Variants in FER1L6 observed in about 807,000 individuals in gnomAD.
FER1L6 encodes the protein fer-1-like protein 6.
A neutral mutation model predicts 219.2 loss-of-function variants in FER1L6; 177 were observed. That is an observed-to-expected ratio of 0.81 (90% CI 0.71 to 0.91). The LOEUF (loss-of-function observed/expected upper bound fraction) is 0.91. FER1L6 is among the 40% of genes least tolerant of loss of function. FER1L6 has a pLI of 0.00. For missense variants in FER1L6, 2,153 were observed against 2,259.9 expected (o/e 0.95, Z 0.96); for synonymous variants, 768 against 824.3 (o/e 0.93, Z 1.17).
chr8:124,081,998 C>A (rs1231129873), intron 32 of FER1L6, among the ~76,000 whole-genome samples: 2 of 152,166 alleles, frequency 1.3e-5, no homozygotes, highest in Non-Finnish European at 2.9e-5. Context: ...CTGTCTGAAA[C>A]CAAAATCCAA....
Position 123,975,214 on chromosome 8 carries a change from G to T in FER1L6, c.591G>T (p.Lys197Asn). The T allele has an allele frequency of 6.2e-7, 1 of 1,612,998 alleles. No homozygotes were observed. The highest frequency in any genetic ancestry group is 1.1e-5 in the South Asian group (1 of 90,958). ...TDPGDIRTGT[K>N]GYLKCDISVM... The stretch of plus-strand genomic sequence containing the variant: ...CTGGTGACATCAGGACTGGCACCAA[G>T]GGGTACCTGAAATGTGACATCAGTG... Residue 197 changes from lysine to asparagine, a missense_variant, in exon 8 of 41, where the codon AAG becomes AAT. Transcript: ENST00000522917.
chr8:123,977,396 T>A, intron 9 of FER1L6, 21 bp from the exon 10 acceptor site: 2 of 1,605,864 alleles, frequency 1.2e-6, no homozygotes, highest in East Asian at 2.2e-5. Flanking sequence ...ATGACTCATG[T>A]CCTCCTGGCT....
chr8:123,969,707 A>T (rs908650811), intron 5 of FER1L6, among the ~76,000 whole-genome samples: 43 of 150,226 alleles, frequency 2.9e-4, no homozygotes, highest in South Asian at 1.1e-3. Flanking sequence ...CAAAAAATTT[A>T]AAAAAAAAAT....
chr8:123,888,455 T>C (rs1362776912), intron 1 of FER1L6, among the ~76,000 whole-genome samples: 1 of 152,180 alleles, frequency 6.6e-6, no homozygotes, highest in Non-Finnish European at 1.5e-5. Context: ...CCAATATTCT[T>C]TGGAATCTGA....
intron 1 of FER1L6, among the ~76,000 whole-genome samples, chr8:123,888,463 T>C (rs559094426): frequency 6.6e-6 from 1 of 152,188 alleles, no homozygotes; most frequent in Non-Finnish European, 1.5e-5. Flanking sequence ...CTTTGGAATC[T>C]GAAGTTTGCT....
Position 124,088,036 on chromosome 8 carries a change from G to A in FER1L6, c.4392-3387G>A, listed in dbSNP as rs1424445879. Among the ~76,000 whole-genome samples, 4 of 152,206 alleles carry A rather than the reference G, an allele frequency of 2.6e-5. No individual in the cohort carries two copies. The East Asian group carries it at 7.7e-4, about 29-fold the overall frequency. ...CACTAGGTCTTGCCCAAGGCCTGCA[G>A]TGACCGCTGCCTGGCTACCACCTGT... is the stretch of plus-strand genomic sequence containing the variant. On this transcript the variant is annotated intron_variant, in intron 33 of 40. Coordinates refer to ENST00000522917, the MANE Select transcript of FER1L6 (RefSeq NM_001039112.2).
chr8:123,981,195 G>C (rs1360837421), intron 11 of FER1L6, among the ~76,000 whole-genome samples: 2 of 152,260 alleles, frequency 1.3e-5, no homozygotes, highest in Admixed American at 1.3e-4. Context: ...TTTTGGATGA[G>C]GAATGAAGAG....
chr8:124,095,527 T>G (rs540219660), intron 35 of FER1L6, among the ~76,000 whole-genome samples: 3 of 152,240 alleles, frequency 2.0e-5, no homozygotes, highest in African/African-American at 4.8e-5. Context: ...CTTAAAGAAC[T>G]GGCAAGAAGA....
intron 2 of FER1L6, 123 bp downstream of exon 2, chr8:123,956,197 G>A (rs1815011628): frequency 3.5e-6 from 3 of 869,454 alleles, no homozygotes; most frequent in Non-Finnish European, 5.5e-6. Flanking sequence ...TGCTGCCCCC[G>A]ACCCTTTAGG....
intron 13 of FER1L6, among the ~76,000 whole-genome samples, chr8:124,010,004 G>C (rs1281667487): frequency 6.6e-6 from 1 of 151,904 alleles, no homozygotes; most frequent in African/African-American, 2.4e-5. Context: ...TGGCGACCCG[G>C]GGAGGAGAGG....
Position 123,901,664 on chromosome 8 carries a change from G to A in FER1L6, c.-8+49479G>A, listed in dbSNP as rs534267730. ...GGCCATGAACTTTCCTCTTAGCACC[G>A]CCTTTGCCGTATCCCAGAGGTTTTG... is the stretch of plus-strand genomic sequence containing the variant. On this transcript the variant is annotated intron_variant, in intron 1 of 40. Coordinates refer to ENST00000522917, the MANE Select transcript of FER1L6 (RefSeq NM_001039112.2). Among the ~76,000 whole-genome samples the A allele has an allele frequency of 5.9e-5, 9 of 151,934 alleles. No homozygotes were observed. In the South Asian group the frequency reaches 6.2e-4, roughly 11 times the overall value.
intron 12 of FER1L6, among the ~76,000 whole-genome samples, chr8:123,992,910 T>C (rs909863730): frequency 6.6e-6 from 1 of 152,244 alleles, no homozygotes; most frequent in Non-Finnish European, 1.5e-5. Flanking sequence ...ACTATTATCA[T>C]TTATTTCAAA....
At position 124,119,699 on chromosome 8, in the gene FER1L6, C is replaced by T; in HGVS notation, c.5483C>T (p.Ala1828Val). 6.2e-7 allele frequency: 1 copy of T among 1,613,144 alleles called. No homozygotes were observed. Among genetic ancestry groups the T allele is most frequent in the Non-Finnish European group, 8.5e-7 (1 of 1,179,140 alleles). ...AATTACAAAAAGTACATCATCATTGCTTTCATTCTCATCATCCTCATCATC... is the reference window on the plus strand; with the variant it reads ...AATTACAAAAAGTACATCATCATTGTTTTCATTCTCATCATCCTCATCATC... ...WKNYKKYIII[A>V]FILIILIIFL... The change falls in exon 41 of 41, where the codon GCT becomes GTT. Residue 1828 changes from alanine (A) to valine (V), a missense_variant. Ala to Val is a moderately conservative substitution (Grantham distance 64). Transcript: ENST00000522917.
At chr8:123,984,184 A>T (rs747629236) in intron 11 of FER1L6, 3 of 152,186 alleles carry the variant, frequency 2.0e-5, no homozygotes, top group African/African-American at 7.2e-5. Flanking sequence ...CATGAATGAT[A>T]TCATTTCTGC....
intron 14 of FER1L6, among the ~76,000 whole-genome samples, chr8:124,012,441 C>T (rs180762796): frequency 2.0e-5 from 3 of 152,228 alleles, no homozygotes; most frequent in Non-Finnish European, 4.4e-5. Flanking sequence ...TAGTGACATT[C>T]ATTTCTAATT....
At chr8:124,002,442 A>T (rs183688278) in intron 12 of FER1L6, among the ~76,000 whole-genome samples, 2 of 152,304 alleles carry the variant, frequency 1.3e-5, no homozygotes, top group Admixed American at 1.3e-4. Flanking sequence ...ACCTTTCTTG[A>T]TTTGAACAGT....
chr8:124,015,607 A>ATATATATATGTATG lies in FER1L6; in HGVS notation c.1923-2012_1923-2011insGTATGTATATATAT, dbSNP rs71289634. Among the ~76,000 whole-genome samples, 170 of 88,576 alleles carry ATATATATATGTATG rather than the reference A, an allele frequency of 1.9e-3. 1 individual carries two copies. The highest frequency in any genetic ancestry group is 6.9e-3 in the African/African-American group (161 of 23,234). The allele number at this position is 88,576 out of a possible 152,430, so 58.1% of individuals were successfully genotyped here. A position where few individuals can be genotyped will look rare whatever the true frequency, so the allele number is the denominator to read the frequency against. On this transcript the variant is annotated intron_variant, in intron 15 of 40. Coordinates refer to ENST00000522917, the MANE Select transcript of FER1L6 (RefSeq NM_001039112.2). ...TATATATATATATATATATATATAT[A>ATATATATATGTATG]TATATATATTACTCCTGCTGTGAGC...
At chr8:124,050,434 C>A (rs1020787000) in intron 22 of FER1L6, among the ~76,000 whole-genome samples, 2 of 152,034 alleles carry the variant, frequency 1.3e-5, no homozygotes, top group African/African-American at 2.4e-5. Context: ...GTCTAGCAGT[C>A]TAGGAGAGGA....
chr8:123,964,850 A>G (rs1815464457), intron 3 of FER1L6, among the ~76,000 whole-genome samples: 1 of 151,954 alleles, frequency 6.6e-6, no homozygotes, highest in Admixed American at 6.6e-5. Context: ...CTTCTGTCAT[A>G]TTTTCTTTAC....
Sources: gnomAD v4.1 joint callset for allele counts (sites outside exome capture counted in the v4.1 genomes callset) on GRCh38, gnomAD v4.1.1 for gene constraint, MANE v1.5 for transcripts, NCBI Gene and HGNC (gene_info 2026-07-23, HGNC 2026-07-21) for gene names.